HEATR5A: variants seen among roughly 807,000 people sequenced by gnomAD.
The protein encoded by HEATR5A is HEAT repeat-containing protein 5A.
Under a neutral mutation model 218.8 loss-of-function variants are expected in HEATR5A, and 178 were observed. The ratio of observed to expected loss-of-function variants is 0.81; its 90% CI spans 0.72 to 0.92. The LOEUF (loss-of-function observed/expected upper bound fraction) is 0.92. Ranked by LOEUF, HEATR5A falls within the 40% of genes least tolerant of loss-of-function variation. The pLI is 0.00. For missense variants in HEATR5A, 2,420 were observed against 2,418.9 expected, an observed-to-expected ratio of 1.00 and a Z score of -0.01; for synonymous variants, 864 against 871.6, an observed-to-expected ratio of 0.99 and a Z score of 0.15.
intron 1 of HEATR5A, among the ~76,000 whole-genome samples, chr14:31,411,518 G>T (rs2031271422): frequency 6.6e-6 from 1 of 152,180 alleles, no homozygotes; most frequent in Non-Finnish European, 1.5e-5. Context: ...GTGGAATGCT[G>T]CCAGAAGAAT....
intron 13 of HEATR5A, among the ~76,000 whole-genome samples, chr14:31,365,312 T>C (rs1280279705): frequency 1.3e-5 from 2 of 152,188 alleles, no homozygotes; most frequent in African/African-American, 4.8e-5. Context: ...GTTTCCTGGT[T>C]CTCTAAGAAA....
intron 11 of HEATR5A, among the ~76,000 whole-genome samples, chr14:31,379,832 C>T (rs1347371557): frequency 6.6e-6 from 1 of 152,132 alleles, no homozygotes; most frequent in Non-Finnish European, 1.5e-5. Context: ...ATGTTGCATG[C>T]CTATGGTCCC....
At chr14:31,338,365 C>T (rs1900734023) in intron 21 of HEATR5A, among the ~76,000 whole-genome samples, 1 of 152,094 alleles carries the variant, frequency 6.6e-6, no homozygotes, top group South Asian at 2.1e-4. Flanking sequence ...ACCAAAAATG[C>T]TCTCTAGAGA....
chr14:31,319,442 C>T (rs977200319), intron 25 of HEATR5A, among the ~76,000 whole-genome samples: 1 of 152,128 alleles, frequency 6.6e-6, no homozygotes. Flanking sequence ...CATGAGCCAC[C>T]GCGCCCGGCC....
chr14:31,358,121 C>A (rs1901489032), intron 16 of HEATR5A, among the ~76,000 whole-genome samples: 2 of 152,184 alleles, frequency 1.3e-5, no homozygotes, highest in African/African-American at 4.8e-5. Context: ...TATCCCAAAA[C>A]CTCCTCCTAT....
intron 21 of HEATR5A, among the ~76,000 whole-genome samples, chr14:31,343,480 A>G (rs1214598652): frequency 6.6e-6 from 1 of 152,196 alleles, no homozygotes; most frequent in African/African-American, 2.4e-5. Context: ...ATATTGATGC[A>G]TATGTTGCTG....
chr14:31,374,873 G>T lies in HEATR5A; in HGVS notation c.1804C>A (p.Arg602=). Residue 602 remains arginine, a synonymous_variant, in exon 12 of 36, where the codon CGA becomes AGA. Transcript: ENST00000543095. ...ACCTGCCATGTAAACGAATCTCCTC[G>T]GCTCTTTTCTGTTTCTAGATCTTTA... ...SPKDLETEKS[R]GDSFTWQVTL... is the part of the protein sequence containing the mutation. 2 of 1,613,538 alleles carry T rather than the reference G, an allele frequency of 1.2e-6. No homozygotes were observed. Among genetic ancestry groups the T allele is most frequent in the Non-Finnish European group, 1.7e-6 (2 of 1,179,736 alleles).
In HEATR5A at chr14:31,356,166, G is replaced by A. The variant is rs566770475; in HGVS notation, c.2411+2471C>T. ...AGTTTCTATCTTCTGGTTCTGTAACGACACCTACTGGAGACTGTGGATAAC... is the reference window on the plus strand; with the variant it reads ...AGTTTCTATCTTCTGGTTCTGTAACAACACCTACTGGAGACTGTGGATAAC... On this transcript the variant is annotated intron_variant, in intron 16 of 35. Transcript: ENST00000543095. Among the ~76,000 whole-genome samples the A allele has an allele frequency of 2.6e-4, 40 of 152,192 alleles. 1 individual carries two copies. The highest frequency in any genetic ancestry group is 8.4e-4 in the African/African-American group (35 of 41,516).
chr14:31,363,959 G>C (rs1901715768), intron 14 of HEATR5A, among the ~76,000 whole-genome samples: 1 of 152,156 alleles, frequency 6.6e-6, no homozygotes, highest in Admixed American at 6.5e-5. Context: ...GGGTAAGAGA[G>C]TGAGACCCTG....
intron 14 of HEATR5A, 66 bp from the exon 15 acceptor site, chr14:31,359,123 A>G: frequency 1.4e-6 from 2 of 1,478,672 alleles, no homozygotes; most frequent in Non-Finnish European, 1.8e-6. Flanking sequence ...GGGATTTAAA[A>G]CTCAGGTTGA....
intron 33 of HEATR5A, among the ~76,000 whole-genome samples, chr14:31,299,678 G>A (rs1376120068): frequency 6.6e-5 from 10 of 151,544 alleles, no homozygotes; most frequent in East Asian, 3.9e-4. Flanking sequence ...AGCCAAGATC[G>A]CGCCATTGCA....
chr14:31,401,130 C>T (rs1402793540), intron 2 of HEATR5A, among the ~76,000 whole-genome samples: 2 of 152,108 alleles, frequency 1.3e-5, no homozygotes, highest in East Asian at 3.9e-4. Flanking sequence ...TTAGCCACCG[C>T]GTATTATTAT....
At chr14:31,377,548 T>C (rs1902275933) in intron 11 of HEATR5A, among the ~76,000 whole-genome samples, 1 of 151,980 alleles carries the variant, frequency 6.6e-6, no homozygotes, top group African/African-American at 2.4e-5. Flanking sequence ...GAAGGCAGAT[T>C]GCTTAAGTCC....
chr14:31,359,150 T>C, intron 14 of HEATR5A, 93 bp from the exon 15 acceptor site: 5 of 1,217,574 alleles, frequency 4.1e-6, no homozygotes, highest in Non-Finnish European at 5.7e-6. Flanking sequence ...ATGCACCCAC[T>C]GGCCAACTTT....
intron 33 of HEATR5A, chr14:31,296,302 C>A: frequency 2.7e-6 from 1 of 375,468 alleles, no homozygotes; most frequent in Non-Finnish European, 4.8e-6. Context: ...TAAATACATA[C>A]ATTTACTAGG....
At chr14:31,405,589 A>G (rs2031033275) in intron 1 of HEATR5A, among the ~76,000 whole-genome samples, 1 of 152,248 alleles carries the variant, frequency 6.6e-6, no homozygotes, top group Non-Finnish European at 1.5e-5. Context: ...TACAGTTAAT[A>G]AATGCTACAG....
At chr14:31,334,586 A>G (rs1900586549) in intron 22 of HEATR5A, 1 of 371,548 alleles carries the variant, frequency 2.7e-6, no homozygotes, top group Non-Finnish European at 5.4e-6. Context: ...AAAGCATTGC[A>G]TGTTACAGAG....
intron 11 of HEATR5A, among the ~76,000 whole-genome samples, chr14:31,376,737 A>G (rs1286272186): frequency 1.3e-5 from 2 of 152,240 alleles, no homozygotes; most frequent in Non-Finnish European, 2.9e-5. Flanking sequence ...GAAATAATGA[A>G]GAAAATTATA....
At chr14:31,347,263 G>A (rs1416015734) in intron 19 of HEATR5A, among the ~76,000 whole-genome samples, 1 of 152,184 alleles carries the variant, frequency 6.6e-6, no homozygotes, top group Non-Finnish European at 1.5e-5. Flanking sequence ...CTAGGCTGGA[G>A]CATAGTGGCA....
Sources: gnomAD v4.1 joint callset for allele counts (sites outside exome capture counted in the v4.1 genomes callset) on GRCh38, gnomAD v4.1.1 for gene constraint, MANE v1.5 for transcripts, NCBI Gene and HGNC (gene_info 2026-07-23, HGNC 2026-07-21) for gene names.